SYNJ1: variants seen among roughly 807,000 people sequenced by gnomAD.
The protein encoded by SYNJ1 is polyphosphatidylinositol phosphatase SYNJ1.
Under a neutral mutation model 168.2 loss-of-function variants are expected in SYNJ1, and 78 were observed. That is an observed-to-expected ratio of 0.46 (90% confidence interval 0.39 to 0.56). The LOEUF (loss-of-function observed/expected upper bound fraction) is 0.56. SYNJ1 is among the 20% of genes least tolerant of loss of function. The pLI is 0.00. For missense variants in SYNJ1, 1,303 were observed against 1,597.6 expected (o/e 0.82, Z 3.14); for synonymous variants, 539 against 548.6 (o/e 0.98, Z 0.24).
intron 13 of SYNJ1, among the ~76,000 whole-genome samples, chr21:32,674,426 C>G (rs759282099): frequency 2.6e-5 from 4 of 152,180 alleles, no homozygotes; most frequent in Non-Finnish European, 5.9e-5. Context: ...CATTTATAAA[C>G]TATGTATTTT....
At chr21:32,677,386 G>A (rs149104751) in intron 12 of SYNJ1, among the ~76,000 whole-genome samples, 5 of 152,158 alleles carry the variant, frequency 3.3e-5, no homozygotes, top group South Asian at 2.1e-4. Flanking sequence ...CAGAACAAGC[G>A]TTACAGCAGA....
At chr21:32,703,685 T>C (rs1339609768) in intron 2 of SYNJ1, among the ~76,000 whole-genome samples, 1 of 152,126 alleles carries the variant, frequency 6.6e-6, no homozygotes, top group Non-Finnish European at 1.5e-5. Context: ...TGGGTTCAAA[T>C]GCCAGGAGGC....
intron 2 of SYNJ1, among the ~76,000 whole-genome samples, chr21:32,717,468 C>G (rs745349763): frequency 6.6e-6 from 1 of 152,100 alleles, no homozygotes; most frequent in Admixed American, 6.5e-5. Context: ...TTTGGAAGTT[C>G]GGTTACTTGG....
chr21:32,653,413 C>T (rs1163613149), intron 21 of SYNJ1, 47 bp from the exon 22 acceptor site: 2 of 1,411,130 alleles, frequency 1.4e-6, no homozygotes, highest in African/African-American at 2.8e-5. Context: ...ATAGACATAA[C>T]AAGCTCAGTG....
intron 2 of SYNJ1, among the ~76,000 whole-genome samples, chr21:32,722,242 T>C (rs2043272230): frequency 6.8e-6 from 1 of 146,700 alleles, no homozygotes; most frequent in African/African-American, 2.5e-5. Flanking sequence ...AATGTATGCA[T>C]GTATGTATAT....
At chr21:32,670,655 A>G (rs2041150754) in intron 14 of SYNJ1, 1 of 473,666 alleles carries the variant, frequency 2.1e-6, no homozygotes, top group African/African-American at 2.1e-5. Context: ...TTTACCAGGG[A>G]CAGCACAGAA....
chr21:32,701,985 A>G lies in SYNJ1; in HGVS notation c.187T>C (p.Leu63=). ...CCAAGATTTAACCGCAGAACACCTA[A>G]GAGTCCATATGCATCCAGTACTTTG... ...YSKVLDAYGL[L]GVLRLNLGDT... is the part of the protein sequence containing the mutation. Residue 63 remains leucine, a synonymous_variant, in exon 3 of 33, where the codon TTA becomes CTA. Coordinates refer to ENST00000674351, the MANE Select transcript of SYNJ1 (RefSeq NM_203446.3). 1 of 1,568,294 alleles carries G rather than the reference A, an allele frequency of 6.4e-7. No individual in the cohort carries two copies. Among genetic ancestry groups the G allele is most frequent in the African/African-American group, 1.3e-5 (1 of 74,496 alleles).
At chr21:32,646,875 G>A (rs1447250586) in intron 23 of SYNJ1, among the ~76,000 whole-genome samples, 1 of 152,102 alleles carries the variant, frequency 6.6e-6, no homozygotes, top group Non-Finnish European at 1.5e-5. Context: ...CTTTCAATAT[G>A]CCCCAGAGCA....
intron 18 of SYNJ1, among the ~76,000 whole-genome samples, chr21:32,660,026 A>T (rs1404198156): frequency 6.6e-6 from 1 of 152,180 alleles, no homozygotes; most frequent in African/African-American, 2.4e-5. Context: ...GGCCCCCATG[A>T]GTTAAAGGAA....
Position 32,727,980 on chromosome 21 carries a change from A to T in SYNJ1, c.-57T>A, listed in dbSNP as rs921606190. ...CGGCTCCTCCTCCTCCTTCTCCCGC[A>T]GCCGCCGCCACAGCCGCCGGGAGCG... On this transcript the variant is annotated 5_prime_UTR_variant, in exon 1 of 33. Coordinates refer to ENST00000674351, the MANE Select transcript of SYNJ1 (RefSeq NM_203446.3). The T allele has an allele frequency of 1.3e-6, 2 of 1,534,760 alleles. No individual in the cohort carries two copies. The highest frequency in any genetic ancestry group is 2.8e-5 in the African/African-American group (2 of 72,614).
At chr21:32,649,465 A>T (rs952439867) in intron 23 of SYNJ1, among the ~76,000 whole-genome samples, 1 of 152,228 alleles carries the variant, frequency 6.6e-6, no homozygotes, top group Non-Finnish European at 1.5e-5. Flanking sequence ...TTTTCTTTTG[A>T]TAATGTTGCC....
chr21:32,676,912 CAAT>C (rs2041433203), intron 12 of SYNJ1, among the ~76,000 whole-genome samples: 1 of 152,108 alleles, frequency 6.6e-6, no homozygotes, highest in African/African-American at 2.4e-5. Flanking sequence ...AAAACTTCAA[CAAT>C]GACACATCAA....
intron 18 of SYNJ1, among the ~76,000 whole-genome samples, chr21:32,660,385 G>A (rs546040751): frequency 6.6e-6 from 1 of 152,366 alleles, no homozygotes; most frequent in South Asian, 2.1e-4. Flanking sequence ...CTTGCTATGT[G>A]AAAATCCCCG....
At chr21:32,703,047 T>C (rs2042467620) in intron 2 of SYNJ1, among the ~76,000 whole-genome samples, 1 of 152,242 alleles carries the variant, frequency 6.6e-6, no homozygotes, top group Non-Finnish European at 1.5e-5. Context: ...TTCTCCAGAG[T>C]CCTATAGAAC....
intron 2 of SYNJ1, among the ~76,000 whole-genome samples, chr21:32,720,698 G>A (rs925771859): frequency 6.6e-6 from 1 of 152,178 alleles, no homozygotes; most frequent in Non-Finnish European, 1.5e-5. Flanking sequence ...TTACTCCCAT[G>A]CTAGCATGTA....
intron 27 of SYNJ1, 28 bp downstream of exon 27, chr21:32,643,382 C>A (rs2039930373): frequency 1.9e-6 from 3 of 1,612,052 alleles, no homozygotes; most frequent in Non-Finnish European, 1.7e-6. Flanking sequence ...ATGAGAGAAC[C>A]ACTTCTATAA....
chr21:32,639,606 C>T, intron 30 of SYNJ1, 65 bp downstream of exon 30: 1 of 1,358,586 alleles, frequency 7.4e-7, no homozygotes, highest in Non-Finnish European at 1.0e-6. Context: ...CTATGTTGCC[C>T]AAGCTGGTCT....
chr21:32,655,950 C>T (rs1036967541), intron 21 of SYNJ1, among the ~76,000 whole-genome samples: 2 of 152,140 alleles, frequency 1.3e-5, no homozygotes, highest in Non-Finnish European at 2.9e-5. Flanking sequence ...AGAAATTAAA[C>T]ATACTTAAAA....
chr21:32,695,314 T>C lies in SYNJ1; in HGVS notation c.480-32A>G, dbSNP rs111366305. ...GGAAAAGAAATAAATGATTAGCTTA[T>C]GGAATACTAAGTAACAAAGTATGAC... On this transcript the variant is annotated intron_variant, in intron 4 of 32. Coordinates refer to ENST00000674351, the MANE Select transcript of SYNJ1 (RefSeq NM_203446.3). 80 of 1,590,192 alleles carry C rather than the reference T, an allele frequency of 5.0e-5. No individual in the cohort carries two copies. The African/African-American group carries it at 8.2e-4, about 16-fold the overall frequency.
Sources: allele counts gnomAD v4.1 joint callset (sites outside exome capture counted in the v4.1 genomes callset), GRCh38; gene constraint gnomAD v4.1.1; transcripts MANE v1.5; gene names NCBI Gene and HGNC (gene_info 2026-07-23, HGNC 2026-07-21).